TCF7L2: variants seen among roughly 807,000 people sequenced by gnomAD.
TCF7L2 encodes the protein transcription factor 7 like 2, also known as transcription factor 7-like 2.
Under a neutral mutation model 77.9 loss-of-function variants are expected in TCF7L2, and 23 were observed. That is an observed-to-expected ratio of 0.30 (90% CI 0.21 to 0.42). The LOEUF is 0.42. TCF7L2 is among the 10% of genes least tolerant of loss of function. The probability of loss-of-function intolerance (pLI) is 1.00; values close to 1 mark genes in which losing one functional copy is unlikely to be tolerated. For synonymous variants in TCF7L2, 413 were observed against 340.2 expected, an observed-to-expected ratio of 1.21 and a Z score of -2.36; for missense variants, 654 against 793.1, an observed-to-expected ratio of 0.82 and a Z score of 2.11.
At chr10:113,028,786 G>A (rs1382630710) in intron 4 of TCF7L2, among the ~76,000 whole-genome samples, 5 of 152,216 alleles carry the variant, frequency 3.3e-5, no homozygotes, top group Non-Finnish European at 7.3e-5. Context: ...CAGCCATGGA[G>A]AAAGAAAGGG....
At chr10:113,015,576 C>G (rs2047203969) in intron 4 of TCF7L2, among the ~76,000 whole-genome samples, 1 of 151,964 alleles carries the variant, frequency 6.6e-6, no homozygotes, top group Admixed American at 6.6e-5. Context: ...TCAAGCAATC[C>G]CCCTGCCTCA....
At chr10:113,115,007 G>A (rs1419167918) in intron 5 of TCF7L2, among the ~76,000 whole-genome samples, 1 of 150,166 alleles carries the variant, frequency 6.7e-6, no homozygotes, top group African/African-American at 2.4e-5. Flanking sequence ...AGTTAAAACT[G>A]TATTGGCAGC....
chr10:113,165,999 T>C lies in TCF7L2; in HGVS notation c.*27T>C, dbSNP rs1056877. The C allele has an allele frequency of 0.03, 43,336 of 1,441,462 alleles. 10,291 individuals are homozygous for C. In the African/African-American group the frequency reaches 0.53, roughly 18 times the overall value. The allele number at this position is 1,441,462 out of a possible 1,614,324, so 89.3% of individuals were successfully genotyped here. A position where few individuals can be genotyped will look rare whatever the true frequency, so the allele number is the denominator to read the frequency against. ...TTTAGCGTCGTGAACCCCGCTGCTT[T>C]GTTTATGGTTTTGTTTCACTTTTCT... On this transcript the variant is annotated 3_prime_UTR_variant, in exon 14 of 14. Coordinates refer to ENST00000627217, the MANE Select transcript of TCF7L2 (RefSeq NM_001146274.2).
At position 113,131,200 on chromosome 10, in the gene TCF7L2, C is replaced by T. The variant is rs150916170; in HGVS notation, c.553-9984C>T. Among the ~76,000 whole-genome samples, 300 of 152,334 alleles carry T rather than the reference C, an allele frequency of 2.0e-3. 5 individuals are homozygous for T. The South Asian group carries it at 0.029, about 15-fold the overall frequency. Reference sequence around the variant, plus strand: ...ATCTGCAGTGGTCGATAAGCTCTTCCATCCAATTTTGGGGTGAGAAGGAAT... The same window carrying T: ...ATCTGCAGTGGTCGATAAGCTCTTCTATCCAATTTTGGGGTGAGAAGGAAT... On this transcript the variant is annotated intron_variant, in intron 5 of 13. Coordinates refer to ENST00000627217, the MANE Select transcript of TCF7L2 (RefSeq NM_001146274.2).
chr10:113,155,999 G>C (rs1160906976), intron 11 of TCF7L2, among the ~76,000 whole-genome samples: 2 of 152,196 alleles, frequency 1.3e-5, no homozygotes, highest in African/African-American at 2.4e-5. Context: ...TCACAGAAAA[G>C]ATAGGCCATT....
intron 4 of TCF7L2, among the ~76,000 whole-genome samples, chr10:113,035,715 G>C (rs1050227405): frequency 6.6e-6 from 1 of 152,202 alleles, no homozygotes; most frequent in South Asian, 2.1e-4. Context: ...ATTTTTAAAT[G>C]GTTGAAACAC....
At chr10:113,056,348 T>G (rs2055377591) in intron 5 of TCF7L2, among the ~76,000 whole-genome samples, 1 of 152,216 alleles carries the variant, frequency 6.6e-6, no homozygotes. Flanking sequence ...CCCAAAATCT[T>G]TATATGTTAT....
chr10:113,018,221 C>G (rs1410955765), intron 4 of TCF7L2, among the ~76,000 whole-genome samples: 1 of 152,092 alleles, frequency 6.6e-6, no homozygotes, highest in Non-Finnish European at 1.5e-5. Context: ...AGTAGGTGCT[C>G]AATAAAGATC....
intron 11 of TCF7L2, among the ~76,000 whole-genome samples, chr10:113,155,858 T>TGCCAGCTTC (rs1428508861): frequency 1.3e-5 from 2 of 152,204 alleles, no homozygotes; most frequent in East Asian, 3.8e-4. Context: ...GCCCATGAGA[T>TGCCAGCTTC]GCCAGCTTCA....
At chr10:113,124,195 A>C (rs891458334) in intron 5 of TCF7L2, among the ~76,000 whole-genome samples, 10 of 30,824 alleles carry the variant, frequency 3.2e-4, no homozygotes, top group African/African-American at 1.0e-3. Context: ...AGAAACCTTA[A>C]AAAAAATTTT....
intron 3 of TCF7L2, among the ~76,000 whole-genome samples, chr10:112,962,270 G>T (rs1005583107): frequency 2.6e-5 from 4 of 152,152 alleles, no homozygotes; most frequent in African/African-American, 4.8e-5. Context: ...TGTGGGAAGA[G>T]AAGCTTGGAC....
intron 5 of TCF7L2, among the ~76,000 whole-genome samples, chr10:113,050,197 A>ATAAAGGC (rs1255754176): frequency 6.6e-6 from 1 of 152,214 alleles, no homozygotes; most frequent in Non-Finnish European, 1.5e-5. Flanking sequence ...AAACAGTGGG[A>ATAAAGGC]TAAAGGCTTT....
intron 4 of TCF7L2, among the ~76,000 whole-genome samples, chr10:113,023,080 C>T (rs2048504838): frequency 6.6e-6 from 1 of 152,074 alleles, no homozygotes; most frequent in African/African-American, 2.4e-5. Flanking sequence ...TTGTGGGGGC[C>T]GAGAAGAGGG....
At chr10:113,071,693 G>T (rs1418032112) in intron 5 of TCF7L2, among the ~76,000 whole-genome samples, 1 of 152,204 alleles carries the variant, frequency 6.6e-6, no homozygotes, top group Non-Finnish European at 1.5e-5. Context: ...AGCTGACATG[G>T]CAGGGCGAGT....
chr10:113,103,309 CTT>C (rs2061879220), intron 5 of TCF7L2, among the ~76,000 whole-genome samples: 1 of 152,154 alleles, frequency 6.6e-6, no homozygotes, highest in Admixed American at 6.6e-5. Context: ...GAGAAAAAAT[CTT>C]TATTACCGGA....
intron 5 of TCF7L2, among the ~76,000 whole-genome samples, chr10:113,046,782 C>A (rs1390483038): frequency 6.6e-6 from 1 of 152,090 alleles, no homozygotes; most frequent in Non-Finnish European, 1.5e-5. Context: ...TGGAAAACAG[C>A]CCATAATCTC....
chr10:113,099,246 G>C (rs903291347), intron 5 of TCF7L2, among the ~76,000 whole-genome samples: 2 of 152,166 alleles, frequency 1.3e-5, no homozygotes, highest in Non-Finnish European at 2.9e-5. Context: ...GAGTGAAAAC[G>C]GCTTTTGGAG....
At chr10:113,118,664 G>GTTTTTTTTTTTTTTTTTTTTTTT (rs78459197) in intron 5 of TCF7L2, among the ~76,000 whole-genome samples, 1 of 68,268 alleles carries the variant, frequency 1.5e-5, no homozygotes, top group Non-Finnish European at 3.2e-5. Context: ...GTTTTTTTTT[G>GTTTTTTTTTTTTTTTTTTTTTTT]TTTTTTTTTT....
intron 5 of TCF7L2, among the ~76,000 whole-genome samples, chr10:113,110,945 A>G (rs937563005): frequency 5.3e-5 from 8 of 152,174 alleles, no homozygotes; most frequent in Admixed American, 2.6e-4. Context: ...TGTTAACACC[A>G]TATTCCCCAA....
Sources: allele counts gnomAD v4.1 joint callset (sites outside exome capture counted in the v4.1 genomes callset), GRCh38; gene constraint gnomAD v4.1.1; transcripts MANE v1.5; gene names NCBI Gene and HGNC (gene_info 2026-07-23, HGNC 2026-07-21).